The following COL24A1 variants were observed in gnomAD, a reference collection of about 807,000 sequenced individuals.
COL24A1 encodes the protein collagen type XXIV alpha 1 chain, also known as collagen alpha-1(XXIV) chain.
COL24A1 carries 224 observed loss-of-function variants against 253.9 expected under a neutral mutation model. The ratio of observed to expected loss-of-function variants is 0.88; its 90% confidence interval spans 0.79 to 0.99. The LOEUF (loss-of-function observed/expected upper bound fraction) is 0.99, where lower values mean the gene tolerates loss of function less well. COL24A1 is among the 50% of genes least tolerant of loss of function. The pLI is 0.00. For missense variants in COL24A1, 2,131 were observed against 2,068.5 expected (o/e 1.03, Z -0.59); for synonymous variants, 685 against 673.7 (o/e 1.02, Z -0.26).
At chr1:85,954,192 T>C (rs1449329344) in intron 24 of COL24A1, among the ~76,000 whole-genome samples, 1 of 152,214 alleles carries the variant, frequency 6.6e-6, no homozygotes, top group East Asian at 1.9e-4. Flanking sequence ...ACATGAATGC[T>C]AGGTCTAATT....
chr1:85,773,032 G>A (rs1668144137), intron 53 of COL24A1, among the ~76,000 whole-genome samples: 1 of 152,112 alleles, frequency 6.6e-6, no homozygotes, highest in South Asian at 2.1e-4. Context: ...GATCCATCTT[G>A]AGTGGATTTT....
rs1266711646 is a variant in COL24A1, at chr1:86,017,190, G to T, written c.2271C>A (p.Asp757Glu). Residue 757 changes from aspartate to glutamate, a missense_variant, in exon 19 of 60, where the codon GAC (aspartate) becomes GAA (glutamate). Coordinates refer to ENST00000370571, the MANE Select transcript of COL24A1 (RefSeq NM_152890.7). ...GGCCAGATGGTCCTTGGAGTCCTGGGTCACCTGTTTGGCCCTAAAATGGGG... is the reference window on the plus strand; with the variant it reads ...GGCCAGATGGTCCTTGGAGTCCTGGTTCACCTGTTTGGCCCTAAAATGGGG... ...GKSGPSGQTG[D>E]PGLQGPSGPP... 1.3e-6 allele frequency: 2 copies of T among 1,571,540 alleles called. No individual in the cohort carries two copies. Among genetic ancestry groups the T allele is most frequent in the Non-Finnish European group, 1.7e-6 (2 of 1,166,286 alleles).
At chr1:86,057,898 A>G (rs765231001) in intron 10 of COL24A1, 33 bp downstream of exon 10, 2 of 1,597,458 alleles carry the variant, frequency 1.3e-6, no homozygotes, top group Non-Finnish European at 1.7e-6. Flanking sequence ...TTAGGCAAGC[A>G]TGCTTAACAG....
intron 47 of COL24A1, among the ~76,000 whole-genome samples, chr1:85,801,813 C>T (rs769223253): frequency 1.3e-5 from 2 of 152,232 alleles, no homozygotes; most frequent in Non-Finnish European, 1.5e-5. Context: ...AATATCTCCA[C>T]TTGAATGTCA....
At chr1:86,062,918 AC>A (rs560395732) in intron 8 of COL24A1, among the ~76,000 whole-genome samples, 671 of 152,204 alleles carry the variant, frequency 4.4e-3, no homozygotes, top group Non-Finnish European at 7.8e-3. Context: ...TCCCTCAGGT[AC>A]CAACCATCAC....
Position 85,801,847 on chromosome 1 carries a change from C to T in COL24A1, c.3951+14941G>A, listed in dbSNP as rs112614890. Reference sequence around the variant, plus strand: ...CATAATCTTGCTCACAAAATTTAGGCCTCCTATAATATTTGCTTTTTCAGT... The same window carrying T: ...CATAATCTTGCTCACAAAATTTAGGTCTCCTATAATATTTGCTTTTTCAGT... On this transcript the variant is annotated intron_variant, in intron 47 of 59. Transcript: ENST00000370571. 3.7e-3 allele frequency among the ~76,000 whole-genome samples: 559 copies of T among 152,240 alleles called. 2 individuals are homozygous for T. Among genetic ancestry groups the T allele is most frequent in the African/African-American group, 0.012 (506 of 41,548 alleles).
intron 55 of COL24A1, among the ~76,000 whole-genome samples, chr1:85,754,603 T>C (rs1570461463): frequency 1.6e-5 from 2 of 123,332 alleles, no homozygotes; most frequent in South Asian, 5.2e-4. Flanking sequence ...TCTTACTAAG[T>C]AGAGAATATA....
chr1:86,136,333 T>G (rs1370124873), intron 2 of COL24A1, among the ~76,000 whole-genome samples: 1 of 152,112 alleles, frequency 6.6e-6, no homozygotes, highest in African/African-American at 2.4e-5. Flanking sequence ...TCAGGAAGTC[T>G]GGTTTTGCTG....
chr1:85,900,203 C>T lies in COL24A1; in HGVS notation c.2779-3794G>A, dbSNP rs565036106. On this transcript the variant is annotated intron_variant, in intron 28 of 59. Transcript: ENST00000370571. Reference sequence around the variant, plus strand: ...AGCAATCTAGAGATTCAGTGCAATCCCTATCAAAATACCAATGTCATTTTT... The same window carrying T: ...AGCAATCTAGAGATTCAGTGCAATCTCTATCAAAATACCAATGTCATTTTT... 4.0e-5 allele frequency among the ~76,000 whole-genome samples: 6 copies of T among 151,870 alleles called. No individual in the cohort carries two copies. In the South Asian group the frequency reaches 6.2e-4, roughly 16 times the overall value.
intron 39 of COL24A1, among the ~76,000 whole-genome samples, chr1:85,847,168 T>C (rs1021229341): frequency 2.6e-5 from 4 of 152,194 alleles, no homozygotes; most frequent in African/African-American, 9.6e-5. Flanking sequence ...CCTAACATCA[T>C]GCAAAGTTCC....
intron 31 of COL24A1, among the ~76,000 whole-genome samples, chr1:85,891,074 G>A (rs940839774): frequency 2.0e-5 from 3 of 150,022 alleles, no homozygotes; most frequent in Admixed American, 6.6e-5. Flanking sequence ...TTTTTGAGAC[G>A]GAGTCTCATT....
chr1:85,908,641 C>A lies in COL24A1; in HGVS notation c.2681G>T (p.Gly894Val). ...GATAGGTCCTGGAACCCCAGGAGGA[C>A]CTGGATATCCCTATAATTTAAGGAA... ...QGEKGVMGYP[G>V]PPGVPGPIGP... is the part of the protein sequence containing the mutation. The change falls in exon 27 of 60, where the codon GGT becomes GTT. Residue 894 changes from glycine to valine, a missense_variant. Physicochemically the swap from Gly to Val is moderately radical, Grantham distance 109. Coordinates refer to ENST00000370571, the MANE Select transcript of COL24A1 (RefSeq NM_152890.7). The A allele has an allele frequency of 7.1e-7, 1 of 1,412,864 alleles. No individual in the cohort carries two copies. Among genetic ancestry groups the A allele is most frequent in the Admixed American group, 2.3e-5 (1 of 43,148 alleles). The allele number at this position is 1,412,864 out of a possible 1,614,324, so 87.5% of individuals were successfully genotyped here.
intron 39 of COL24A1, among the ~76,000 whole-genome samples, chr1:85,847,065 T>A (rs1186617546): frequency 1.3e-5 from 2 of 152,180 alleles, no homozygotes; most frequent in Non-Finnish European, 2.9e-5. Flanking sequence ...ATATTTTGCA[T>A]CTCTTTCATG....
Position 86,006,976 on chromosome 1 carries a change from C to T in COL24A1, c.2310+10175G>A, listed in dbSNP as rs964700365. Among the ~76,000 whole-genome samples the T allele has an allele frequency of 3.0e-4, 46 of 152,156 alleles. 1 individual carries two copies. Among genetic ancestry groups the T allele is most frequent in the Middle Eastern group, 3.4e-3 (1 of 294 alleles). On this transcript the variant is annotated intron_variant, in intron 19 of 59. Coordinates refer to ENST00000370571, the MANE Select transcript of COL24A1 (RefSeq NM_152890.7). Reference sequence around the variant, plus strand: ...ACTTTAATCCCAGCACTTTGGGAGGCCAAGGTGTGATGATTGCTTCAGCCC... The same window carrying T: ...ACTTTAATCCCAGCACTTTGGGAGGTCAAGGTGTGATGATTGCTTCAGCCC...
chr1:85,810,252 T>TA (rs1235282098), intron 47 of COL24A1, among the ~76,000 whole-genome samples: 1 of 152,154 alleles, frequency 6.6e-6, no homozygotes, highest in Non-Finnish European at 1.5e-5. Context: ...CATGACAGTT[T>TA]AAAAATGTCA....
At chr1:86,092,372 T>C in intron 5 of COL24A1, 52 bp from the exon 6 acceptor site, 1 of 1,305,870 alleles carries the variant, frequency 7.7e-7, no homozygotes. Flanking sequence ...GCATATAATG[T>C]GTCATATATC....
At chr1:85,922,670 T>C (rs113179679) in intron 24 of COL24A1, among the ~76,000 whole-genome samples, 1,799 of 152,248 alleles carry the variant, frequency 0.012, 28 homozygotes, top group African/African-American at 0.04. Context: ...AAGGAAGCAC[T>C]AAACATGGAA....
At chr1:86,042,095 A>C (rs1461551316) in intron 12 of COL24A1, among the ~76,000 whole-genome samples, 1 of 152,140 alleles carries the variant, frequency 6.6e-6, no homozygotes, top group Non-Finnish European at 1.5e-5. Flanking sequence ...CGCTATCCAA[A>C]AGCATGAGTA....
At chr1:85,817,899 CA>C in intron 46 of COL24A1, 134 bp downstream of exon 46, 1 of 727,006 alleles carries the variant, frequency 1.4e-6, no homozygotes, top group Non-Finnish European at 2.4e-6. Context: ...TGTGTTCCAG[CA>C]TGGGTTTAAT....
Sources: allele counts gnomAD v4.1 joint callset (sites outside exome capture counted in the v4.1 genomes callset), GRCh38; gene constraint gnomAD v4.1.1; transcripts MANE v1.5; gene names NCBI Gene and HGNC (gene_info 2026-07-23, HGNC 2026-07-21).